The following CTNNA3 variants were observed in gnomAD, a reference collection of about 807,000 sequenced individuals.
CTNNA3 encodes the protein catenin alpha 3.
In CTNNA3, 76 loss-of-function variants were observed where a neutral mutation model predicts 95.7. The observed-to-expected ratio is 0.79, with a 90% CI of 0.66 to 0.96. The LOEUF (loss-of-function observed/expected upper bound fraction) is 0.96, where lower values mean the gene tolerates loss of function less well. CTNNA3 is among the 40% of genes least tolerant of loss of function. The pLI is 0.00. For synonymous variants in CTNNA3, 431 were observed against 374.4 expected (o/e 1.15, Z -1.74); for missense variants, 1,191 against 1,089.8 (o/e 1.09, Z -1.31).
At chr10:66,759,863 T>C (rs1042743691) in intron 9 of CTNNA3, among the ~76,000 whole-genome samples, 3 of 152,220 alleles carry the variant, frequency 2.0e-5, no homozygotes, top group Non-Finnish European at 2.9e-5. Context: ...GTTTGGGGTA[T>C]ATTGAATTAA....
At chr10:66,953,042 AG>A (rs1848619908) in intron 7 of CTNNA3, among the ~76,000 whole-genome samples, 1 of 152,146 alleles carries the variant, frequency 6.6e-6, no homozygotes, top group African/African-American at 2.4e-5. Context: ...TGAAGAAAAC[AG>A]AGCCTACTGA....
intron 13 of CTNNA3, among the ~76,000 whole-genome samples, chr10:66,153,291 G>A (rs370968858): frequency 7.9e-5 from 12 of 151,786 alleles, no homozygotes; most frequent in South Asian, 2.1e-4. Flanking sequence ...CATCTGGGTC[G>A]TCTCAGGGTT....
chr10:66,604,902 CT>C (rs1365960804), intron 10 of CTNNA3, among the ~76,000 whole-genome samples: 2 of 152,074 alleles, frequency 1.3e-5, no homozygotes, highest in Non-Finnish European at 2.9e-5. Context: ...GCCAAAGTGC[CT>C]TTTGTCCTAA....
chr10:67,278,336 G>A (rs1351462851), intron 5 of CTNNA3, among the ~76,000 whole-genome samples: 1 of 152,150 alleles, frequency 6.6e-6, no homozygotes, highest in Non-Finnish European at 1.5e-5. Context: ...TGCCCAAGGT[G>A]GTCAGGGTAC....
At chr10:67,014,790 C>G (rs1852554761) in intron 7 of CTNNA3, among the ~76,000 whole-genome samples, 1 of 151,980 alleles carries the variant, frequency 6.6e-6, no homozygotes, top group Non-Finnish European at 1.5e-5. Context: ...ACAGCCATCT[C>G]TACCACCAAG....
intron 13 of CTNNA3, among the ~76,000 whole-genome samples, chr10:66,249,703 C>T (rs540118415): frequency 4.7e-4 from 72 of 152,138 alleles, no homozygotes; most frequent in Middle Eastern, 3.4e-3. Context: ...AGTACAACCA[C>T]CATGAAAAAT....
chr10:67,336,105 G>A (rs182551556), intron 5 of CTNNA3, among the ~76,000 whole-genome samples: 3 of 152,240 alleles, frequency 2.0e-5, no homozygotes, highest in African/African-American at 7.2e-5. Context: ...ATAAAAGAAA[G>A]TGAACTTAAT....
At chr10:67,210,504 T>A (rs1477081133) in intron 6 of CTNNA3, among the ~76,000 whole-genome samples, 1 of 152,190 alleles carries the variant, frequency 6.6e-6, no homozygotes, top group African/African-American at 2.4e-5. Flanking sequence ...TACAACCTGA[T>A]GCTTTGATAT....
At chr10:66,935,441 C>T (rs1439982624) in intron 7 of CTNNA3, among the ~76,000 whole-genome samples, 3 of 151,896 alleles carry the variant, frequency 2.0e-5, no homozygotes, top group Non-Finnish European at 2.9e-5. Context: ...GGGATTTTGC[C>T]TAATGTATTC....
At chr10:67,680,406 A>G (rs1038249962) in intron 1 of CTNNA3, among the ~76,000 whole-genome samples, 1 of 152,248 alleles carries the variant, frequency 6.6e-6, no homozygotes, top group African/African-American at 2.4e-5. Context: ...TGACTGAAAT[A>G]GAACCCAGAT....
chr10:67,168,890 A>G (rs1861895624), intron 7 of CTNNA3, among the ~76,000 whole-genome samples: 1 of 152,180 alleles, frequency 6.6e-6, no homozygotes, highest in African/African-American at 2.4e-5. Context: ...CCCCATACCC[A>G]TAGTCTTAGC....
intron 10 of CTNNA3, among the ~76,000 whole-genome samples, chr10:66,525,166 G>C (rs1281503946): frequency 6.6e-6 from 1 of 151,594 alleles, no homozygotes; most frequent in African/African-American, 2.4e-5. Context: ...AATATATCAA[G>C]AGAGTCAATA....
At chr10:66,497,805 C>A (rs1299387509) in intron 11 of CTNNA3, among the ~76,000 whole-genome samples, 1 of 152,038 alleles carries the variant, frequency 6.6e-6, no homozygotes, top group Non-Finnish European at 1.5e-5. Context: ...CATCTTCCAA[C>A]ATATCATTTG....
chr10:66,038,893 A>G (rs2079622446), intron 15 of CTNNA3, among the ~76,000 whole-genome samples: 1 of 152,206 alleles, frequency 6.6e-6, no homozygotes, highest in Non-Finnish European at 1.5e-5. Flanking sequence ...AATCTTAGTC[A>G]GAGCTATCAG....
chr10:66,757,915 A>G (rs1839432042), intron 9 of CTNNA3, among the ~76,000 whole-genome samples: 1 of 152,138 alleles, frequency 6.6e-6, no homozygotes, highest in African/African-American at 2.4e-5. Context: ...AATGGTAATA[A>G]TAGTATTTAT....
rs565517771 is a variant in CTNNA3 at position 66,341,231 on chromosome 10, C to T, written c.1732+37921G>A. On this transcript the variant is annotated intron_variant, in intron 12 of 17. Transcript: ENST00000433211. ...TGTTAGCAACCATCAAATTTCTTTA[C>T]GCCCTCATTCTAGTAAATTATAAGC... 3.9e-5 allele frequency among the ~76,000 whole-genome samples: 6 copies of T among 151,976 alleles called. No homozygotes were observed. In the East Asian group the frequency reaches 5.8e-4, roughly 15 times the overall value.
intron 2 of CTNNA3, among the ~76,000 whole-genome samples, chr10:67,611,545 T>C (rs952622777): frequency 1.3e-5 from 2 of 151,962 alleles, no homozygotes; most frequent in Non-Finnish European, 2.9e-5. Flanking sequence ...CTCGATCTCC[T>C]GACCTCATGA....
At chr10:66,373,875 T>C (rs2092772791) in intron 12 of CTNNA3, among the ~76,000 whole-genome samples, 1 of 152,232 alleles carries the variant, frequency 6.6e-6, no homozygotes, top group African/African-American at 2.4e-5. Context: ...CTAAAGAACC[T>C]TTTAAAAATC....
At chr10:66,614,194 A>T (rs1027383546) in intron 10 of CTNNA3, among the ~76,000 whole-genome samples, 1 of 152,182 alleles carries the variant, frequency 6.6e-6, no homozygotes. Context: ...TTCAACAGAC[A>T]AAGTGTCATA....
Sources: gnomAD v4.1 joint callset for allele counts (sites outside exome capture counted in the v4.1 genomes callset) on GRCh38, gnomAD v4.1.1 for gene constraint, MANE v1.5 for transcripts, NCBI Gene and HGNC (gene_info 2026-07-23, HGNC 2026-07-21) for gene names.